The following LMTK3 variants were observed in gnomAD, a reference collection of about 807,000 sequenced individuals.
The protein encoded by LMTK3 is lemur tail kinase 3, also known as serine/threonine-protein kinase LMTK3.
Under a neutral mutation model 116.7 loss-of-function variants are expected in LMTK3, and 27 were observed. The observed-to-expected ratio is 0.23, with a 90% CI of 0.17 to 0.32. The LOEUF (loss-of-function observed/expected upper bound fraction) is 0.32, where lower values mean the gene tolerates loss of function less well. Among genes scored for constraint, LMTK3 ranks in the 10% least tolerant of loss-of-function variants. LMTK3 has a pLI of 1.00. For missense variants in LMTK3, 1,764 were observed against 2,068.5 expected, an observed-to-expected ratio of 0.85 and a Z score of 2.86; for synonymous variants, 965 against 971.0, an observed-to-expected ratio of 0.99 and a Z score of 0.11.
At chr19:48,512,094 C>G (rs1040912136), upstream of LMTK3, among the ~76,000 whole-genome samples, 1 of 152,034 alleles carries the variant, frequency 6.6e-6, no homozygotes, top group Non-Finnish European at 1.5e-5. Context: ...GCCCGGACAC[C>G]GCTGTGACAT....
intron 14 of LMTK3, among the ~76,000 whole-genome samples, chr19:48,488,870 G>T (rs1972171913): frequency 6.6e-6 from 1 of 151,804 alleles, no homozygotes. Flanking sequence ...CTCCCAAGTA[G>T]CTGGGATTAC....
upstream of LMTK3, chr19:48,513,254 G>T: frequency 8.2e-7 from 1 of 1,223,720 alleles, no homozygotes; most frequent in Non-Finnish European, 1.2e-6. The surrounding 1 kb of genome is among the most constrained non-coding windows in gnomAD (Gnocchi z 5.6). Flanking sequence ...GTCTGTGCCA[G>T]GTATCGTCCG....
At chr19:48,486,821 G>A (rs1361127019) in intron 14 of LMTK3, among the ~76,000 whole-genome samples, 1 of 152,036 alleles carries the variant, frequency 6.6e-6, no homozygotes, top group Non-Finnish European at 1.5e-5. Context: ...ACAGGCGTGA[G>A]CCACTGAGCC....
At chr19:48,488,854 C>T (rs189341180) in intron 14 of LMTK3, among the ~76,000 whole-genome samples, 25 of 151,964 alleles carry the variant, frequency 1.6e-4, no homozygotes, top group East Asian at 1.2e-3. Context: ...ATTCTCCTGC[C>T]TCACCCTCCC....
At chr19:48,507,646 T>C (rs1250135192) in intron 5 of LMTK3, among the ~76,000 whole-genome samples, 1 of 152,226 alleles carries the variant, frequency 6.6e-6, no homozygotes, top group African/African-American at 2.4e-5. Flanking sequence ...GGTCTCGCTC[T>C]GTTGCCCAGG....
rs554103475 is a variant in LMTK3, at chr19:48,508,119, G to T, written c.557+732C>A. ...GTCAGTGAAGAGGCCAGCGTGGCTG[G>T]GGTGAGGGGGACATTGGAAGGAAGG... On this transcript the variant is annotated intron_variant, in intron 5 of 14. Coordinates refer to ENST00000600059, the MANE Select transcript of LMTK3 (RefSeq NM_001388485.1). 7.2e-5 allele frequency among the ~76,000 whole-genome samples: 11 copies of T among 152,216 alleles called. No individual in the cohort carries two copies. In the South Asian group the frequency reaches 1.4e-3, roughly 20 times the overall value.
In LMTK3 at chr19:48,485,471, A is replaced by G; in HGVS notation, c.*302T>C. 2 of 381,116 alleles carry G rather than the reference A, an allele frequency of 5.2e-6. No homozygotes were observed. The highest frequency in any genetic ancestry group is 2.1e-5 in the African/African-American group (1 of 46,518). 23.6% of individuals were successfully genotyped at this position (381,116 alleles called of 1,614,324 possible). ...GACCTCCGCTGTGTCGAGGGGCTCC[A>G]GGCCCAAAAGAGTTCAGTTCAGTTC... On this transcript the variant is annotated 3_prime_UTR_variant, in exon 15 of 15. Transcript: ENST00000600059.
intron 14 of LMTK3, among the ~76,000 whole-genome samples, chr19:48,486,488 T>C (rs1972127786): frequency 6.6e-6 from 1 of 152,168 alleles, no homozygotes; most frequent in Non-Finnish European, 1.5e-5. Flanking sequence ...TCCCTCTGAC[T>C]GGTTTGCATT....
In LMTK3 at chr19:48,489,724, A is replaced by G. The variant is rs1312245723; in HGVS notation, c.4366+1384T>C. Among the ~76,000 whole-genome samples, 12 of 152,350 alleles carry G rather than the reference A, an allele frequency of 7.9e-5. No homozygotes were observed. The South Asian group carries it at 2.1e-3, about 26-fold the overall frequency. On this transcript the variant is annotated intron_variant, in intron 14 of 14. Coordinates refer to ENST00000600059, the MANE Select transcript of LMTK3 (RefSeq NM_001388485.1). ...TGTTATCATTCCCACTCTACAGATG[A>G]GGGAACTGAAGCACAGAGAGGGAAA... is the stretch of plus-strand genomic sequence containing the variant.
chr19:48,491,112 G>T lies in LMTK3; in HGVS notation c.4362C>A (p.Pro1454=). ...GPPARAPDAR[P]AGPVEN is the part of the protein sequence containing the mutation. ...GCAGGGCCGAGGATATGGTACCTGC[G>T]GGCCGGGCGTCGGGGGCCCGGGCGG... The change falls in exon 14 of 15, where the codon CCC becomes CCA. Residue 1454 remains proline, a synonymous_variant. Coordinates refer to ENST00000600059, the MANE Select transcript of LMTK3 (RefSeq NM_001388485.1). The surrounding 1 kb of genome is among the most constrained non-coding windows in gnomAD (Gnocchi z 5.1). 2 of 1,368,066 alleles carry T rather than the reference G, an allele frequency of 1.5e-6. No individual in the cohort carries two copies. The highest frequency in any genetic ancestry group is 2.9e-5 in the East Asian group (1 of 35,086). 84.7% of individuals were successfully genotyped at this position (1,368,066 alleles called of 1,614,324 possible).
rs767476481 is a variant in LMTK3, at chr19:48,498,360, C to T, written c.2709G>A (p.Leu903=). The part of the protein sequence containing the change: ...GPGNREKVPG[L]NRDPTVLGNG... ...TGCCCAGGACTGTCGGGTCCCTGTTCAGGCCCGGGACTTTCTCTCTGTTCC... is the reference window on the plus strand; with the variant it reads ...TGCCCAGGACTGTCGGGTCCCTGTTTAGGCCCGGGACTTTCTCTCTGTTCC... The change falls in exon 11 of 15, where the codon CTG becomes CTA. Residue 903 remains leucine, a synonymous_variant. Transcript: ENST00000600059. The T allele has an allele frequency of 1.9e-6, 3 of 1,613,042 alleles. No individual in the cohort carries two copies. The South Asian group carries it at 3.3e-5, about 18-fold the overall frequency.
Position 48,485,730 on chromosome 19 carries a change from A to G in LMTK3, c.*43T>C. The G allele has an allele frequency of 6.3e-7, 1 of 1,599,490 alleles. No homozygotes were observed. The highest frequency in any genetic ancestry group is 8.5e-7 in the Non-Finnish European group (1 of 1,171,722). ...GTCATCCACAGAGGATTCCATTCTC[A>G]ACCCCTCTTCTGAGGGTGCAGCGGG... On this transcript the variant is annotated 3_prime_UTR_variant, in exon 15 of 15. Transcript: ENST00000600059.
At position 48,497,706 on chromosome 19, in the gene LMTK3, C is replaced by T. The variant is rs1481612017; in HGVS notation, c.3363G>A (p.Thr1121=). ...SGGRAPVGTG[T]APGGGPGSGV... is the part of the protein sequence containing the mutation. ...CGCTTCCGGGGCCGCCGCCGGGGGC[C>T]GTCCCCGTGCCCACTGGGGCTCGGC... The change falls in exon 11 of 15, where the codon ACG becomes ACA. Residue 1121 remains threonine (T), a synonymous_variant. Transcript: ENST00000600059. This position sits in a 1 kb window ranked among gnomAD's most constrained non-coding sequence, Gnocchi z 5.7. The T allele has an allele frequency of 6.1e-6, 8 of 1,319,378 alleles. No individual in the cohort carries two copies. The highest frequency in any genetic ancestry group is 5.8e-6 in the Non-Finnish European group (6 of 1,038,710). The allele number at this position is 1,319,378 out of a possible 1,614,324, so 81.7% of individuals were successfully genotyped here. A position where few individuals can be genotyped will look rare whatever the true frequency, so the allele number is the denominator to read the frequency against.
rs184279052 is a variant in LMTK3, at chr19:48,485,599, G to A, written c.*174C>T. On this transcript the variant is annotated 3_prime_UTR_variant, in exon 15 of 15. Transcript: ENST00000600059. Reference sequence around the variant, plus strand: ...GAGCCATCTGGGGGGCTGGGGGGCGGGGGCCCGGGGCCTCCCGTTTGGCAC... The same window carrying A: ...GAGCCATCTGGGGGGCTGGGGGGCGAGGGCCCGGGGCCTCCCGTTTGGCAC... The A allele has an allele frequency of 2.1e-3, 1,382 of 661,880 alleles. 21 individuals carry two copies. In the African/African-American group the frequency reaches 0.022, roughly 11 times the overall value. The allele number at this position is 661,880 out of a possible 1,614,324, so 41.0% of individuals were successfully genotyped here.
At chr19:48,504,296 C>T (rs961472286) in intron 5 of LMTK3, among the ~76,000 whole-genome samples, 1 of 152,212 alleles carries the variant, frequency 6.6e-6, no homozygotes, top group Non-Finnish European at 1.5e-5. Flanking sequence ...GTTGGATACC[C>T]TCCCCTTTAC....
Position 48,491,434 on chromosome 19 carries a change from C to T in LMTK3, c.4198G>A (p.Asp1400Asn). The T allele has an allele frequency of 7.0e-7, 1 of 1,419,800 alleles. No individual in the cohort carries two copies. Among genetic ancestry groups the T allele is most frequent in the African/African-American group, 1.5e-5 (1 of 66,392 alleles). The allele number at this position is 1,419,800 out of a possible 1,614,324, so 88.0% of individuals were successfully genotyped here. Residue 1400 changes from aspartate (D) to asparagine (N), a missense_variant, in exon 13 of 15, where the codon GAT (aspartate) becomes AAT (asparagine). Physicochemically the swap from Asp to Asn is conservative, Grantham distance 23. This residue lies in a region of LMTK3 where 281 missense variants were observed against 301.4 expected (regional missense o/e 0.93). Transcript: ENST00000600059. The surrounding 1 kb of genome is among the most constrained non-coding windows in gnomAD (Gnocchi z 5.1). ...CCGCTGTCGTTGCTGGGAAACCCAT[C>T]TCCGGGGGTGGCGGGGTGGGGAGGT... ...PTPPHPATPG[D>N]GFPSNDSGFG...
chr19:48,513,648 G>C (rs1421130135), upstream of LMTK3: 1 of 183,292 alleles, frequency 5.5e-6, no homozygotes, highest in Non-Finnish European at 1.2e-5. The surrounding 1 kb of genome is among the most constrained non-coding windows in gnomAD (Gnocchi z 5.6). Context: ...GCGCACCCAA[G>C]ACGCAGCCTC....
chr19:48,506,379 A>T (rs1457677953), intron 5 of LMTK3, among the ~76,000 whole-genome samples: 2 of 152,160 alleles, frequency 1.3e-5, no homozygotes, highest in Admixed American at 6.6e-5. Context: ...GACTAGTAGT[A>T]GATGCTCAAT....
At chr19:48,509,913 C>G (rs1263309520) in intron 3 of LMTK3, 110 bp downstream of exon 3, 1 of 1,243,042 alleles carries the variant, frequency 8.0e-7, no homozygotes, top group South Asian at 1.4e-5. Context: ...TATGCCTTTC[C>G]CATTGGCTGC....
Sources: gnomAD v4.1 joint callset for allele counts (sites outside exome capture counted in the v4.1 genomes callset) on GRCh38, gnomAD v4.1.1 for gene constraint, gnomAD v4.1.1 regional missense constraint, Gnocchi (gnomAD v3.1) non-coding constraint, MANE v1.5 for transcripts, NCBI Gene and HGNC (gene_info 2026-07-23, HGNC 2026-07-21) for gene names.